Variants in ANO3 observed in about 807,000 individuals in gnomAD.
ANO3 encodes anoctamin 3.
A neutral mutation model predicts 144.8 loss-of-function variants in ANO3; 99 were observed. The observed-to-expected ratio is 0.68, with a 90% CI of 0.58 to 0.81. The LOEUF (loss-of-function observed/expected upper bound fraction) is 0.81. Among genes scored for constraint, ANO3 ranks in the 30% least tolerant of loss-of-function variants. The probability of loss-of-function intolerance (pLI) is 0.00; values close to 1 mark genes in which losing one functional copy is unlikely to be tolerated. For synonymous variants in ANO3, 414 were observed against 392.6 expected (o/e 1.05, Z -0.64); for missense variants, 905 against 1,202.2 (o/e 0.75, Z 3.66).
chr11:26,530,599 G>A (rs1265605167), intron 7 of ANO3, among the ~76,000 whole-genome samples: 1 of 151,140 alleles, frequency 6.6e-6, no homozygotes, highest in East Asian at 1.9e-4. Context: ...AGTGGCTCAT[G>A]CCTATAATCC....
chr11:26,366,196 C>T (rs1564985177), intron 1 of ANO3, among the ~76,000 whole-genome samples: 1 of 151,884 alleles, frequency 6.6e-6, no homozygotes, highest in Non-Finnish European at 1.5e-5. Context: ...CTCCTATGTC[C>T]AAGTGTTCTC....
At chr11:26,620,992 T>C (rs754074176) in intron 17 of ANO3, among the ~76,000 whole-genome samples, 117 of 152,230 alleles carry the variant, frequency 7.7e-4, no homozygotes, top group Admixed American at 1.5e-3. Context: ...AGTAGATTAC[T>C]GGAAAAGGGA....
chr11:26,297,115 T>C (rs1360409893), intron 1 of ANO3, among the ~76,000 whole-genome samples: 1 of 152,086 alleles, frequency 6.6e-6, no homozygotes, highest in African/African-American at 2.4e-5. Context: ...TCCTATAATT[T>C]AAAAATAGTA....
At chr11:26,362,798 C>T (rs941340469) in intron 1 of ANO3, among the ~76,000 whole-genome samples, 24 of 152,014 alleles carry the variant, frequency 1.6e-4, no homozygotes, top group African/African-American at 5.1e-4. Context: ...GAGTCTATAC[C>T]ATGAGGGAAG....
At chr11:26,246,798 G>C (rs1272338297) in intron 1 of ANO3, among the ~76,000 whole-genome samples, 1 of 151,968 alleles carries the variant, frequency 6.6e-6, no homozygotes, top group Admixed American at 6.6e-5. Flanking sequence ...GAGATCTGAT[G>C]ATTTTATAAA....
chr11:26,412,593 T>C (rs1274935008), intron 1 of ANO3, among the ~76,000 whole-genome samples: 2 of 152,022 alleles, frequency 1.3e-5, no homozygotes. Context: ...GTTGTCCCCA[T>C]GAATGTAAAG....
At chr11:26,193,418 G>A (rs1851517616) in intron 1 of ANO3, among the ~76,000 whole-genome samples, 2 of 152,038 alleles carry the variant, frequency 1.3e-5, no homozygotes, top group Non-Finnish European at 2.9e-5. Flanking sequence ...GGGATTACAG[G>A]CGTCAGCCAC....
chr11:26,278,901 G>C (rs1853617197), intron 1 of ANO3, among the ~76,000 whole-genome samples: 1 of 151,982 alleles, frequency 6.6e-6, no homozygotes, highest in Admixed American at 6.6e-5. Context: ...TGTATATTGG[G>C]ATTTGTATAC....
chr11:26,603,982 T>C (rs1293302854), intron 17 of ANO3, among the ~76,000 whole-genome samples: 1 of 152,148 alleles, frequency 6.6e-6, no homozygotes, highest in African/African-American at 2.4e-5. Context: ...TCTAGCTATT[T>C]TGTAATGTAA....
intron 1 of ANO3, among the ~76,000 whole-genome samples, chr11:26,370,588 A>C (rs995000986): frequency 5.3e-5 from 8 of 152,136 alleles, no homozygotes; most frequent in Non-Finnish European, 1.0e-4. Context: ...AAAGTTTGAA[A>C]CTTCTTAAAA....
chr11:26,221,714 G>A (rs60723078), intron 1 of ANO3, among the ~76,000 whole-genome samples: 16,770 of 152,174 alleles, frequency 0.11, 1,890 homozygotes, highest in African/African-American at 0.29. Flanking sequence ...ATGTCAGAAG[G>A]TGATGCAAGA....
At chr11:26,622,213 T>C (rs1852435531) in intron 17 of ANO3, among the ~76,000 whole-genome samples, 1 of 152,138 alleles carries the variant, frequency 6.6e-6, no homozygotes, top group Admixed American at 6.5e-5. Context: ...TTGTAATTTA[T>C]AACTTTTTTC....
intron 4 of ANO3, among the ~76,000 whole-genome samples, chr11:26,486,661 G>C (rs1243205637): frequency 6.6e-6 from 1 of 152,118 alleles, no homozygotes; most frequent in African/African-American, 2.4e-5. Flanking sequence ...TGAGATCTTA[G>C]TCCAGCGGAA....
At chr11:26,343,634 A>G (rs772795060) in intron 1 of ANO3, among the ~76,000 whole-genome samples, 2 of 152,212 alleles carry the variant, frequency 1.3e-5, no homozygotes, top group Admixed American at 6.5e-5. Flanking sequence ...GAACATATCA[A>G]CATAAGATGG....
At chr11:26,331,222 G>T (rs1196454305), upstream of ANO3, among the ~76,000 whole-genome samples, 2 of 152,184 alleles carry the variant, frequency 1.3e-5, no homozygotes, top group Admixed American at 1.3e-4. Flanking sequence ...GCTAATGGCT[G>T]CTGGGCTCAA....
At chr11:26,318,713 G>T (rs2133877062) in intron 1 of ANO3, among the ~76,000 whole-genome samples, 1 of 152,254 alleles carries the variant, frequency 6.6e-6, no homozygotes, top group East Asian at 1.9e-4. Context: ...GCATCAGGTG[G>T]AGAACATTCC....
chr11:26,309,754 C>A, intron 1 of ANO3: 1 of 956,958 alleles, frequency 1.0e-6, no homozygotes, highest in South Asian at 4.8e-5. Flanking sequence ...AGAGCTCCCA[C>A]CAACTCTGTT....
At chr11:26,214,980 C>T (rs374236406) in intron 1 of ANO3, among the ~76,000 whole-genome samples, 8 of 151,840 alleles carry the variant, frequency 5.3e-5, no homozygotes, top group African/African-American at 1.9e-4. Context: ...ATATTTAGAC[C>T]AGGATTATGT....
chr11:26,535,571 CTTTTTTT>C (rs72278856), intron 9 of ANO3, among the ~76,000 whole-genome samples: 20 of 58,610 alleles, frequency 3.4e-4, no homozygotes, highest in Non-Finnish European at 4.5e-4. Flanking sequence ...AAGACAGCCA[CTTTTTTT>C]TTTTTTTTTT....
Sources: gnomAD v4.1 joint callset for allele counts (sites outside exome capture counted in the v4.1 genomes callset) on GRCh38, gnomAD v4.1.1 for gene constraint, MANE v1.5 for transcripts, NCBI Gene and HGNC (gene_info 2026-07-23, HGNC 2026-07-21) for gene names.